ZNF148: variants seen among roughly 807,000 people sequenced by gnomAD.
ZNF148 encodes Beta-Enolase Repressor Factor-1.
In ZNF148, 7 loss-of-function variants were observed where a neutral mutation model predicts 67.7. The observed-to-expected ratio is 0.10, with a 90% CI of 0.06 to 0.19. The LOEUF (loss-of-function observed/expected upper bound fraction) is 0.19, where lower values mean the gene tolerates loss of function less well. Among genes scored for constraint, ZNF148 ranks in the 10% least tolerant of loss-of-function variants. The pLI is 1.00. For missense variants in ZNF148, 583 were observed against 947.1 expected (o/e 0.62, Z 5.05); for synonymous variants, 333 against 330.7 (o/e 1.01, Z -0.08).
At chr3:125,328,476 C>T (rs2107705314) in intron 2 of ZNF148, among the ~76,000 whole-genome samples, 1 of 152,004 alleles carries the variant, frequency 6.6e-6, no homozygotes, top group African/African-American at 2.4e-5. Flanking sequence ...ACAATGTAAG[C>T]ATGTATCAAA....
rs183295867 is a variant in ZNF148, at chr3:125,315,479, C to T, written c.-16-1823G>A. On this transcript the variant is annotated intron_variant, in intron 3 of 8. Coordinates refer to ENST00000360647, the MANE Select transcript of ZNF148 (RefSeq NM_021964.3). ...ATCCCAACACTTTGGGAGGCCGAGG[C>T]GGGCAGATCAGCAGGTCAGGAGATC... 8.4e-4 allele frequency among the ~76,000 whole-genome samples: 128 copies of T among 151,990 alleles called. 1 individual carries two copies. Among genetic ancestry groups the T allele is most frequent in the African/African-American group, 2.9e-3 (122 of 41,452 alleles).
chr3:125,363,330 A>G (rs755332389), intron 1 of ZNF148, among the ~76,000 whole-genome samples: 1 of 152,150 alleles, frequency 6.6e-6, no homozygotes, highest in Non-Finnish European at 1.5e-5. Flanking sequence ...ATAATTATCA[A>G]CTCTATGTAT....
chr3:125,313,205 A>G, intron 4 of ZNF148, 103 bp downstream of exon 4: 1 of 905,440 alleles, frequency 1.1e-6, no homozygotes, highest in Non-Finnish European at 1.7e-6. Context: ...CAAGAACACT[A>G]TTTAGCCCTG....
chr3:125,357,967 T>A (rs1423698452), intron 1 of ZNF148: 1 of 152,170 alleles, frequency 6.6e-6, no homozygotes, highest in African/African-American at 2.4e-5. Flanking sequence ...CCAAAAGAAA[T>A]CTTCTCTAAA....
intron 7 of ZNF148, among the ~76,000 whole-genome samples, chr3:125,267,751 T>C (rs568304208): frequency 6.6e-6 from 1 of 151,942 alleles, no homozygotes; most frequent in Admixed American, 6.6e-5. Flanking sequence ...GGGAAAGAAA[T>C]AAAAGACATC....
chr3:125,256,159 C>T (rs868134232), intron 7 of ZNF148, among the ~76,000 whole-genome samples: 1 of 151,318 alleles, frequency 6.6e-6, no homozygotes, highest in Non-Finnish European at 1.5e-5. Flanking sequence ...GTCAGGAGAT[C>T]GAGCCCATCC....
chr3:125,317,714 T>TATA (rs200094699), intron 3 of ZNF148, among the ~76,000 whole-genome samples: 88 of 123,320 alleles, frequency 7.1e-4, no homozygotes, highest in South Asian at 2.0e-3. Flanking sequence ...TATATATATA[T>TATA]TTTTTTTTTT....
At chr3:125,328,851 A>G (rs1377473037) in intron 2 of ZNF148, among the ~76,000 whole-genome samples, 1 of 152,142 alleles carries the variant, frequency 6.6e-6, no homozygotes, top group Admixed American at 6.5e-5. Flanking sequence ...GACACTAGCT[A>G]GTGTTGTCAA....
At chr3:125,260,928 A>C (rs1937307332) in intron 7 of ZNF148, among the ~76,000 whole-genome samples, 1 of 152,140 alleles carries the variant, frequency 6.6e-6, no homozygotes, top group Non-Finnish European at 1.5e-5. Context: ...AAAGATCAAA[A>C]CTTCCTGATT....
In ZNF148 at chr3:125,345,602, A is replaced by G. The variant is rs7431183; in HGVS notation, c.-233-14364T>C. Among the ~76,000 whole-genome samples, 162 of 133,848 alleles carry G rather than the reference A, an allele frequency of 1.2e-3. 1 individual carries two copies. The highest frequency in any genetic ancestry group is 3.8e-3 in the Middle Eastern group (1 of 264). 87.8% of individuals were successfully genotyped at this position (133,848 alleles called of 152,430 possible). A position where few individuals can be genotyped will look rare whatever the true frequency, so the allele number is the denominator to read the frequency against. The stretch of plus-strand genomic sequence containing the variant: ...AAACTAACAACAACAACAACAACAA[A>G]AAAAGACAAACAGAAGACACAAAAC... On this transcript the variant is annotated intron_variant, in intron 1 of 8. Transcript: ENST00000360647.
At chr3:125,242,623 C>T (rs1291429520) in intron 7 of ZNF148, among the ~76,000 whole-genome samples, 1 of 152,092 alleles carries the variant, frequency 6.6e-6, no homozygotes, top group Non-Finnish European at 1.5e-5. Context: ...GGGTGAGACT[C>T]TTGTCTCAAA....
chr3:125,340,764 A>G, intron 1 of ZNF148, among the ~76,000 whole-genome samples: 1 of 152,040 alleles, frequency 6.6e-6, no homozygotes, highest in African/African-American at 2.4e-5. Flanking sequence ...AGGCGGGCGG[A>G]TCACGAGGTC....
At position 125,234,032 on chromosome 3, in the gene ZNF148, T is replaced by C. The variant is rs545200875; in HGVS notation, c.787-93A>G. 47 of 1,429,754 alleles carry C rather than the reference T, an allele frequency of 3.3e-5. No homozygotes were observed. The Admixed American group carries it at 1.0e-3, about 30-fold the overall frequency. 88.6% of individuals were successfully genotyped at this position (1,429,754 alleles called of 1,614,324 possible). ...ACAAAACAATTAATATAAAGATATATTAATGCAATAACATACATAATTCCA... is the reference window on the plus strand; with the variant it reads ...ACAAAACAATTAATATAAAGATATACTAATGCAATAACATACATAATTCCA... On this transcript the variant is annotated intron_variant, in intron 8 of 8. Coordinates refer to ENST00000360647, the MANE Select transcript of ZNF148 (RefSeq NM_021964.3).
chr3:125,246,366 C>T (rs1169845832), intron 7 of ZNF148, among the ~76,000 whole-genome samples: 3 of 152,058 alleles, frequency 2.0e-5, no homozygotes, highest in Non-Finnish European at 2.9e-5. Flanking sequence ...AGATCATGTA[C>T]CATTATGTGA....
At chr3:125,260,053 T>C (rs1335822488) in intron 7 of ZNF148, among the ~76,000 whole-genome samples, 1 of 152,060 alleles carries the variant, frequency 6.6e-6, no homozygotes, top group African/African-American at 2.4e-5. Flanking sequence ...GGTGGAGCAG[T>C]TGGAACACAC....
chr3:125,360,256 A>T (rs1340116418), intron 1 of ZNF148, among the ~76,000 whole-genome samples: 6 of 151,064 alleles, frequency 4.0e-5, no homozygotes, highest in Admixed American at 1.3e-4. Flanking sequence ...TTTGTCTTTT[A>T]CCTTCATCTT....
At chr3:125,296,480 C>T (rs1939291572) in intron 4 of ZNF148, among the ~76,000 whole-genome samples, 2 of 152,122 alleles carry the variant, frequency 1.3e-5, no homozygotes, top group South Asian at 2.1e-4. Context: ...CCAGTTGTTG[C>T]TGTTCTTCCT....
intron 7 of ZNF148, among the ~76,000 whole-genome samples, chr3:125,276,148 C>T (rs1016313549): frequency 2.6e-5 from 4 of 152,060 alleles, no homozygotes; most frequent in African/African-American, 9.7e-5. Flanking sequence ...AGTAAAATAT[C>T]AAAACCTATT....
chr3:125,236,763 T>C (rs1250160274), intron 7 of ZNF148, among the ~76,000 whole-genome samples: 1 of 152,202 alleles, frequency 6.6e-6, no homozygotes, highest in East Asian at 1.9e-4. Context: ...GGACGGCTGC[T>C]GATGTGGCAA....
Sources: allele counts gnomAD v4.1 joint callset (sites outside exome capture counted in the v4.1 genomes callset), GRCh38; gene constraint gnomAD v4.1.1; transcripts MANE v1.5; gene names NCBI Gene and HGNC (gene_info 2026-07-23, HGNC 2026-07-21).